The following ARSJ variants were observed in gnomAD, a reference collection of about 807,000 sequenced individuals.
ARSJ encodes the protein arylsulfatase J.
ARSJ carries 26 observed loss-of-function variants against 35.9 expected under a neutral mutation model. The ratio of observed to expected loss-of-function variants is 0.72; its 90% confidence interval spans 0.53 to 1.00. ARSJ has a LOEUF of 1.00. Ranked by LOEUF, ARSJ falls within the 50% of genes least tolerant of loss-of-function variation. The probability of loss-of-function intolerance (pLI) is 0.00; values close to 1 mark genes in which losing one functional copy is unlikely to be tolerated. For missense variants in ARSJ, 667 were observed against 723.6 expected (o/e 0.92, Z 0.90); for synonymous variants, 294 against 267.6 (o/e 1.10, Z -0.96).
At chr4:113,917,021 T>C (rs1723351717) in intron 1 of ARSJ, among the ~76,000 whole-genome samples, 1 of 152,164 alleles carries the variant, frequency 6.6e-6, no homozygotes, top group Non-Finnish European at 1.5e-5. Flanking sequence ...TCCATCCAAT[T>C]GTTTTCTTAT....
At chr4:113,949,268 T>C (rs535282765) in intron 1 of ARSJ, among the ~76,000 whole-genome samples, 56 of 152,150 alleles carry the variant, frequency 3.7e-4, no homozygotes, top group African/African-American at 1.3e-3. Flanking sequence ...CAAAACACCA[T>C]GGCATAAATA....
At chr4:113,945,988 C>T (rs1725453846) in intron 1 of ARSJ, among the ~76,000 whole-genome samples, 1 of 140,474 alleles carries the variant, frequency 7.1e-6, no homozygotes, top group Admixed American at 7.5e-5. Context: ...TCATAAAATA[C>T]TTTTCTTCTT....
chr4:113,915,480 C>G (rs1200578673), intron 1 of ARSJ, among the ~76,000 whole-genome samples: 1 of 152,064 alleles, frequency 6.6e-6, no homozygotes, highest in Admixed American at 6.6e-5. Flanking sequence ...TATAGATCAT[C>G]TTTCCTCCTC....
rs1293433530 is a variant in ARSJ at position 113,900,810 on chromosome 4, CT to C, written c.*1463del. On this transcript the variant is annotated 3_prime_UTR_variant, in exon 2 of 2. Transcript: ENST00000315366. ...ATAAACTTCATTACTGATAATACTC[CT>C]TTAATTCTCCTCATGACGTTTGCAT... The C allele has an allele frequency of 6.6e-6, 1 of 152,156 alleles. No homozygotes were observed. Among genetic ancestry groups the C allele is most frequent in the Non-Finnish European group, 1.5e-5 (1 of 68,038 alleles). The allele number at this position is 152,156 out of a possible 1,614,324, so 9.4% of individuals were successfully genotyped here. A position where few individuals can be genotyped will look rare whatever the true frequency, so the allele number is the denominator to read the frequency against.
At chr4:113,921,831 C>T (rs1217742779) in intron 1 of ARSJ, among the ~76,000 whole-genome samples, 1 of 152,180 alleles carries the variant, frequency 6.6e-6, no homozygotes, top group Non-Finnish European at 1.5e-5. Flanking sequence ...TAGTCACATG[C>T]AGGCAACCTG....
At chr4:113,908,778 G>A (rs1461735357) in intron 1 of ARSJ, among the ~76,000 whole-genome samples, 1 of 152,110 alleles carries the variant, frequency 6.6e-6, no homozygotes, top group African/African-American at 2.4e-5. Flanking sequence ...AGAAATTAAA[G>A]GGGATGAGAT....
chr4:113,950,792 A>T (rs540732872), intron 1 of ARSJ, among the ~76,000 whole-genome samples: 1 of 152,144 alleles, frequency 6.6e-6, no homozygotes, highest in Non-Finnish European at 1.5e-5. Context: ...TGCTTTCCTG[A>T]TTATACCGTG....
At chr4:113,978,322 T>A (rs1011082248) in intron 1 of ARSJ, 115 bp downstream of exon 1, 1 of 959,484 alleles carries the variant, frequency 1.0e-6, no homozygotes, top group Admixed American at 2.4e-5. Flanking sequence ...CATTCATTCT[T>A]CATTCATTCA....
chr4:113,903,301 G>A lies in ARSJ; in HGVS notation c.773C>T (p.Pro258Leu), dbSNP rs1270343665. The A allele has an allele frequency of 6.2e-7, 1 of 1,614,132 alleles. No individual in the cohort carries two copies. Among genetic ancestry groups the A allele is most frequent in the Non-Finnish European group, 8.5e-7 (1 of 1,180,018 alleles). Reference sequence around the variant, plus strand: ...TTGATAGGCAATATATAAAAATATAGGCTTTGTGGGGTTATGGGAAGCTAA... The same window carrying A: ...TTGATAGGCAATATATAAAAATATAAGCTTTGTGGGGTTATGGGAAGCTAA... ...QILASHNPTKPIFLYIAYQAV... is the reference protein window; with the variant it reads ...QILASHNPTKLIFLYIAYQAV... The change falls in exon 2 of 2, where the codon CCT becomes CTT. Residue 258 changes from proline to leucine, a missense_variant. Coordinates refer to ENST00000315366, the MANE Select transcript of ARSJ (RefSeq NM_024590.4).
At chr4:113,945,101 T>A (rs1425111314) in intron 1 of ARSJ, among the ~76,000 whole-genome samples, 1 of 152,092 alleles carries the variant, frequency 6.6e-6, no homozygotes, top group East Asian at 1.9e-4. Context: ...GAAGTCCAAA[T>A]AGAAACTTAT....
intron 1 of ARSJ, among the ~76,000 whole-genome samples, chr4:113,955,637 G>A (rs776855964): frequency 3.3e-5 from 5 of 151,960 alleles, no homozygotes; most frequent in Admixed American, 6.6e-5. Context: ...AGTGCTTTCC[G>A]GTCTACATGT....
intron 1 of ARSJ, among the ~76,000 whole-genome samples, chr4:113,930,289 T>C (rs997399588): frequency 3.3e-5 from 5 of 152,120 alleles, no homozygotes; most frequent in Non-Finnish European, 7.4e-5. Context: ...AGTCTGATGT[T>C]GGAGCACAGG....
chr4:113,913,658 CT>C (rs1320979647), intron 1 of ARSJ, among the ~76,000 whole-genome samples: 1 of 152,078 alleles, frequency 6.6e-6, no homozygotes, highest in Admixed American at 6.6e-5. Flanking sequence ...GATACATACA[CT>C]CCATAAAACA....
At chr4:113,928,099 T>C (rs1290621284) in intron 1 of ARSJ, among the ~76,000 whole-genome samples, 13 of 152,110 alleles carry the variant, frequency 8.5e-5, no homozygotes, top group Admixed American at 6.6e-5. Flanking sequence ...TAAAATCCCA[T>C]TAATTACTTG....
Position 113,902,725 on chromosome 4 carries a change from CTG to C in ARSJ, c.1347_1348del (p.Ile449MetfsTer34). On this transcript the variant is annotated frameshift_variant, in exon 2 of 2. Coordinates refer to ENST00000315366, the MANE Select transcript of ARSJ (RefSeq NM_024590.4). LOFTEE classifies it high-confidence loss of function. ...TGTAAGCAATTTCCAGTGCTGCACT[CTG>C]ATGGCTGACTGGATTGCAGTGTTCC... 6.2e-7 allele frequency: 1 copy of C among 1,614,232 alleles called. No homozygotes were observed. Among genetic ancestry groups the C allele is most frequent in the Non-Finnish European group, 8.5e-7 (1 of 1,180,034 alleles).
intron 1 of ARSJ, among the ~76,000 whole-genome samples, chr4:113,909,431 C>T (rs751706786): frequency 2.0e-5 from 3 of 152,108 alleles, no homozygotes; most frequent in Non-Finnish European, 4.4e-5. Flanking sequence ...TTTGGCTGTG[C>T]CCCCACCCAA....
intron 1 of ARSJ, among the ~76,000 whole-genome samples, chr4:113,913,733 A>G (rs1245770352): frequency 1.3e-5 from 2 of 152,212 alleles, no homozygotes; most frequent in Non-Finnish European, 2.9e-5. Flanking sequence ...TGACTACAGA[A>G]TAATGTAAAA....
chr4:113,917,797 A>G, intron 1 of ARSJ, among the ~76,000 whole-genome samples: 1 of 152,164 alleles, frequency 6.6e-6, no homozygotes, highest in South Asian at 2.1e-4. Flanking sequence ...GTTATCCTGT[A>G]AAACAATATA....
intron 1 of ARSJ, among the ~76,000 whole-genome samples, chr4:113,931,313 C>A (rs950579999): frequency 6.6e-6 from 1 of 152,042 alleles, no homozygotes; most frequent in African/African-American, 2.4e-5. Context: ...TCTTCATTAA[C>A]AACTTTACTC....
Sources: allele counts gnomAD v4.1 joint callset (sites outside exome capture counted in the v4.1 genomes callset), GRCh38; gene constraint gnomAD v4.1.1; transcripts MANE v1.5; gene names NCBI Gene and HGNC (gene_info 2026-07-23, HGNC 2026-07-21).